ANO3: variants seen among roughly 807,000 people sequenced by gnomAD.
ANO3 encodes anoctamin 3, also known as anoctamin-3.
ANO3 carries 99 observed loss-of-function variants against 144.8 expected under a neutral mutation model. That is an observed-to-expected ratio of 0.68 (90% CI 0.58 to 0.81). The LOEUF is 0.81. Ranked by LOEUF, ANO3 falls within the 30% of genes least tolerant of loss-of-function variation. The probability of loss-of-function intolerance (pLI) is 0.00; values close to 1 mark genes in which losing one functional copy is unlikely to be tolerated. For missense variants in ANO3, 905 were observed against 1,202.2 expected (o/e 0.75, Z 3.66); for synonymous variants, 414 against 392.6 (o/e 1.05, Z -0.64).
chr11:26,337,680 T>A (rs1338561966), intron 1 of ANO3, among the ~76,000 whole-genome samples: 1 of 152,026 alleles, frequency 6.6e-6, no homozygotes, highest in Non-Finnish European at 1.5e-5. Context: ...AGCGTAAAAA[T>A]TATGGCTCAC....
At chr11:26,347,809 C>T (rs1855533970) in intron 1 of ANO3, among the ~76,000 whole-genome samples, 1 of 152,134 alleles carries the variant, frequency 6.6e-6, no homozygotes, top group Non-Finnish European at 1.5e-5. Context: ...AATCAGTAAT[C>T]CAGGTATTGC....
At chr11:26,361,073 A>T (rs2133924777) in intron 1 of ANO3, among the ~76,000 whole-genome samples, 1 of 152,298 alleles carries the variant, frequency 6.6e-6, no homozygotes. Flanking sequence ...GGTTTCCAGG[A>T]GTCAGGAAAA....
At chr11:26,584,097 A>G (rs750607191) in intron 14 of ANO3, among the ~76,000 whole-genome samples, 12 of 152,186 alleles carry the variant, frequency 7.9e-5, no homozygotes, top group Non-Finnish European at 1.8e-4. Context: ...ATTGTTCAAT[A>G]TATAAAACAG....
chr11:26,562,426 AT>A (rs982829485), intron 14 of ANO3, among the ~76,000 whole-genome samples: 8 of 151,852 alleles, frequency 5.3e-5, no homozygotes, highest in African/African-American at 1.9e-4. Flanking sequence ...GAAAACACAT[AT>A]TTTTTTCCCT....
intron 1 of ANO3, among the ~76,000 whole-genome samples, chr11:26,297,428 T>G (rs1029945965): frequency 6.6e-6 from 1 of 152,168 alleles, no homozygotes; most frequent in Non-Finnish European, 1.5e-5. Flanking sequence ...CATAAGCACT[T>G]GTAATTATGC....
intron 14 of ANO3, among the ~76,000 whole-genome samples, chr11:26,595,313 G>A (rs1851576260): frequency 6.6e-6 from 1 of 152,126 alleles, no homozygotes; most frequent in South Asian, 2.1e-4. Context: ...TGGCTCAGGG[G>A]TGAGTCCTAG....
chr11:26,445,461 A>G (rs1262486558), intron 3 of ANO3, among the ~76,000 whole-genome samples: 1 of 152,130 alleles, frequency 6.6e-6, no homozygotes, highest in Non-Finnish European at 1.5e-5. Flanking sequence ...CTTTCTCTGA[A>G]TGCTTAACAT....
chr11:26,325,053 CT>C (rs1854850833), intron 1 of ANO3, among the ~76,000 whole-genome samples: 1 of 152,034 alleles, frequency 6.6e-6, no homozygotes, highest in Non-Finnish European at 1.5e-5. Context: ...GCAAACTTTC[CT>C]GAAAGGGACC....
chr11:26,380,624 A>G (rs1452065421), intron 1 of ANO3, among the ~76,000 whole-genome samples: 1 of 152,158 alleles, frequency 6.6e-6, no homozygotes, highest in African/African-American at 2.4e-5. Flanking sequence ...ACATCTTAAT[A>G]CCATTGCCTT....
intron 1 of ANO3, among the ~76,000 whole-genome samples, chr11:26,405,824 T>G (rs181076540): frequency 1.3e-5 from 2 of 152,012 alleles, no homozygotes; most frequent in Admixed American, 1.3e-4. Context: ...GTAGTTTTCC[T>G]GAGAAAGACT....
chr11:26,466,718 C>T (rs554736500), intron 4 of ANO3, among the ~76,000 whole-genome samples: 9 of 152,024 alleles, frequency 5.9e-5, no homozygotes, highest in Admixed American at 2.6e-4. Context: ...AGAGCTACCC[C>T]GCTGAGTCCA....
chr11:26,495,120 TTTGAGACAGGGTC>T (rs1301221764), intron 4 of ANO3, among the ~76,000 whole-genome samples: 1 of 139,352 alleles, frequency 7.2e-6, no homozygotes, highest in Non-Finnish European at 1.6e-5. Context: ...TATTTATTTA[TTTGAGACAGGGTC>T]TTGCTTTGTC....
At chr11:26,262,811 C>G (rs895181784) in intron 1 of ANO3, among the ~76,000 whole-genome samples, 11 of 151,826 alleles carry the variant, frequency 7.2e-5, no homozygotes, top group Admixed American at 3.3e-4. Context: ...GCCTGCAAAC[C>G]AGGAAGTGTG....
intron 21 of ANO3, among the ~76,000 whole-genome samples, chr11:26,641,609 C>A (rs1853152776): frequency 6.6e-6 from 1 of 151,920 alleles, no homozygotes; most frequent in South Asian, 2.1e-4. Flanking sequence ...AGCTTGAATT[C>A]CTAGATAATT....
intron 1 of ANO3, among the ~76,000 whole-genome samples, chr11:26,270,320 A>G (rs535943703): frequency 2.0e-4 from 31 of 152,188 alleles, no homozygotes; most frequent in South Asian, 1.5e-3. Context: ...GGGATGGGGG[A>G]GGGTGGTAGA....
At chr11:26,629,193 CA>C (rs1313197378) in intron 18 of ANO3, among the ~76,000 whole-genome samples, 2 of 152,066 alleles carry the variant, frequency 1.3e-5, no homozygotes, top group Non-Finnish European at 2.9e-5. Flanking sequence ...ATGGGTAAAG[CA>C]ACTGAATAGC....
intron 3 of ANO3, among the ~76,000 whole-genome samples, chr11:26,460,953 ATGACAT>A (rs1251873918): frequency 6.6e-6 from 1 of 152,062 alleles, no homozygotes; most frequent in Admixed American, 6.6e-5. Flanking sequence ...AGAATGAGAA[ATGACAT>A]CTTGTGATCC....
At chr11:26,650,376 C>T (rs1450413280) in intron 24 of ANO3, among the ~76,000 whole-genome samples, 6 of 152,092 alleles carry the variant, frequency 3.9e-5, no homozygotes, top group Admixed American at 3.9e-4. Context: ...CAGATAGATG[C>T]GTGTTTGAAT....
intron 4 of ANO3, among the ~76,000 whole-genome samples, chr11:26,497,648 A>G (rs1021452415): frequency 7.2e-5 from 11 of 152,182 alleles, no homozygotes; most frequent in African/African-American, 2.6e-4. Context: ...TTCTAAATAC[A>G]TGTTGGAAAT....
Sources: allele counts gnomAD v4.1 joint callset (sites outside exome capture counted in the v4.1 genomes callset), GRCh38; gene constraint gnomAD v4.1.1; transcripts MANE v1.5; gene names NCBI Gene and HGNC (gene_info 2026-07-23, HGNC 2026-07-21).